Variants in CYLD observed in about 807,000 individuals in gnomAD.
The protein encoded by CYLD is ubiquitin carboxyl-terminal hydrolase CYLD.
A neutral mutation model predicts 104.5 loss-of-function variants in CYLD; 26 were observed. The observed-to-expected ratio is 0.25, with a 90% CI of 0.18 to 0.35. The LOEUF is 0.35. Among genes scored for constraint, CYLD ranks in the 10% least tolerant of loss-of-function variants. The pLI is 1.00. For missense variants in CYLD, 703 were observed against 1,136.1 expected (o/e 0.62, Z 5.48); for synonymous variants, 385 against 399.9 (o/e 0.96, Z 0.45).
At position 50,798,176 on chromosome 16, in the gene CYLD, G is replaced by A. The variant is rs958061165; in HGVS notation, c.*1668G>A. The stretch of plus-strand genomic sequence containing the variant: ...AAATATGTGTTGAATGAAGAAATGG[G>A]TGAATGAGCTTGTCAATGTGATTTT... On this transcript the variant is annotated 3_prime_UTR_variant, in exon 19 of 19. Coordinates refer to ENST00000427738, the MANE Select transcript of CYLD (RefSeq NM_001378743.1). 15 of 231,944 alleles carry A rather than the reference G, an allele frequency of 6.5e-5. No individual in the cohort carries two copies. Among genetic ancestry groups the A allele is most frequent in the African/African-American group, 3.3e-4 (15 of 45,284 alleles). 14.4% of individuals were successfully genotyped at this position (231,944 alleles called of 1,614,324 possible). A position where few individuals can be genotyped will look rare whatever the true frequency, so the allele number is the denominator to read the frequency against.
intron 2 of CYLD, among the ~76,000 whole-genome samples, chr16:50,744,422 G>T (rs1196409717): frequency 6.6e-6 from 1 of 152,150 alleles, no homozygotes; most frequent in African/African-American, 2.4e-5. Context: ...TTGGAAAAAG[G>T]CCCACATGTC....
In CYLD at chr16:50,794,699, C is replaced by A. The variant is rs1971816534; in HGVS notation, c.2686+271C>A. ...GCAGCAGCGTGATCTTGGCTCATTGCAACCTCCACCTCTCAGGTTCAAGCA... is the reference window on the plus strand; with the variant it reads ...GCAGCAGCGTGATCTTGGCTCATTGAAACCTCCACCTCTCAGGTTCAAGCA... On this transcript the variant is annotated intron_variant, in intron 18 of 18. Transcript: ENST00000427738. The surrounding 1 kb of genome is among the most constrained non-coding windows in gnomAD (Gnocchi z 4.1). 4.5e-6 allele frequency: 2 copies of A among 447,680 alleles called. No homozygotes were observed. Among genetic ancestry groups the A allele is most frequent in the Non-Finnish European group, 8.3e-6 (2 of 242,330 alleles). 27.7% of individuals were successfully genotyped at this position (447,680 alleles called of 1,614,324 possible). A position where few individuals can be genotyped will look rare whatever the true frequency, so the allele number is the denominator to read the frequency against.
rs1037542210 is a variant in CYLD at position 50,781,443 on chromosome 16, C to T, written c.1684+32C>T. On this transcript the variant is annotated intron_variant, in intron 10 of 18. Transcript: ENST00000427738. ...GGATGCTTTTTGTTTACTTAACAACCTGGAATGACTCTAATTCTAATCTCA... is the reference window on the plus strand; with the variant it reads ...GGATGCTTTTTGTTTACTTAACAACTTGGAATGACTCTAATTCTAATCTCA... The T allele has an allele frequency of 3.1e-6, 5 of 1,608,896 alleles. No homozygotes were observed. The Admixed American group carries it at 5.0e-5, about 16-fold the overall frequency.
At chr16:50,781,713 G>T (rs548662991) in intron 10 of CYLD, among the ~76,000 whole-genome samples, 39 of 152,094 alleles carry the variant, frequency 2.6e-4, no homozygotes, top group Non-Finnish European at 4.7e-4. Context: ...AAATTGAAAT[G>T]TAACCTTCTT....
chr16:50,799,195 A>T lies in CYLD; in HGVS notation c.*2687A>T. Reference sequence around the variant, plus strand: ...TATCTACAATCAAGATGACAATGTAATTGAATTATCTTATTTATAACACGG... The same window carrying T: ...TATCTACAATCAAGATGACAATGTATTTGAATTATCTTATTTATAACACGG... On this transcript the variant is annotated 3_prime_UTR_variant, in exon 19 of 19. Transcript: ENST00000427738. 2 of 233,404 alleles carry T rather than the reference A, an allele frequency of 8.6e-6. No homozygotes were observed. Among genetic ancestry groups the T allele is most frequent in the Non-Finnish European group, 1.7e-5 (2 of 118,044 alleles). The allele number at this position is 233,404 out of a possible 1,614,324, so 14.5% of individuals were successfully genotyped here.
Position 50,799,677 on chromosome 16 carries a change from C to T in CYLD, c.*3169C>T. On this transcript the variant is annotated 3_prime_UTR_variant, in exon 19 of 19. Transcript: ENST00000427738. ...GAGATAGTATGGAAGATTAAGATTC[C>T]ATTAATCTTATAGAACTGTGTTGTC... The T allele has an allele frequency of 4.3e-6, 1 of 233,240 alleles. No individual in the cohort carries two copies. Among genetic ancestry groups the T allele is most frequent in the East Asian group, 6.0e-5 (1 of 16,626 alleles). The allele number at this position is 233,240 out of a possible 1,614,324, so 14.4% of individuals were successfully genotyped here. A position where few individuals can be genotyped will look rare whatever the true frequency, so the allele number is the denominator to read the frequency against.
chr16:50,779,551 A>T, intron 8 of CYLD, 114 bp from the exon 9 acceptor site: 1 of 934,736 alleles, frequency 1.1e-6, no homozygotes, highest in Non-Finnish European at 1.7e-6. Context: ...GAGTACTATT[A>T]ATAGCAGGGA....
intron 11 of CYLD, 46 bp downstream of exon 11, chr16:50,782,512 A>G: frequency 1.3e-6 from 2 of 1,597,152 alleles, no homozygotes; most frequent in Non-Finnish European, 1.7e-6. Context: ...GCCATGAGGC[A>G]GGGACACATA....
chr16:50,789,219 A>G (rs1328526710), intron 14 of CYLD, among the ~76,000 whole-genome samples: 2 of 152,226 alleles, frequency 1.3e-5, no homozygotes, highest in Non-Finnish European at 2.9e-5. Flanking sequence ...GAATTTCAGT[A>G]TCTTATAAGT....
intron 15 of CYLD, 77 bp downstream of exon 15, chr16:50,791,767 T>C: frequency 6.6e-7 from 1 of 1,515,562 alleles, no homozygotes; most frequent in Non-Finnish European, 9.1e-7. Context: ...TCAGTATCTA[T>C]TGATTTTAAC....
At chr16:50,791,819 A>G (rs1005981090) in intron 15 of CYLD, 129 bp downstream of exon 15, 2 of 1,059,082 alleles carry the variant, frequency 1.9e-6, no homozygotes, top group African/African-American at 3.2e-5. Flanking sequence ...AAGAAACACA[A>G]ATTTTAAAAA....
At chr16:50,755,161 ACG>A (rs1967040947) in intron 5 of CYLD, among the ~76,000 whole-genome samples, 1 of 140,806 alleles carries the variant, frequency 7.1e-6, no homozygotes. Context: ...GTATATACAC[ACG>A]TGTACATATG....
intron 14 of CYLD, among the ~76,000 whole-genome samples, chr16:50,788,165 G>GA: frequency 6.6e-6 from 1 of 152,064 alleles, no homozygotes; most frequent in South Asian, 2.1e-4. Context: ...AACCTTTTAA[G>GA]AAAAAATATC....
rs1971724097 is a variant in CYLD, at chr16:50,794,079, C to T, written c.2470-133C>T. On this transcript the variant is annotated intron_variant, in intron 17 of 18. Coordinates refer to ENST00000427738, the MANE Select transcript of CYLD (RefSeq NM_001378743.1). This position sits in a 1 kb window ranked among gnomAD's most constrained non-coding sequence, Gnocchi z 4.1. ...AGTAGCTGGGACTGCAGGCGCCTGC[C>T]ACCACGCCCAGCTAATTTTTGTATT... is the stretch of plus-strand genomic sequence containing the variant. 3.8e-6 allele frequency: 3 copies of T among 792,980 alleles called. No individual in the cohort carries two copies. The highest frequency in any genetic ancestry group is 4.1e-5 in the Admixed American group (2 of 49,370). 49.1% of individuals were successfully genotyped at this position (792,980 alleles called of 1,614,324 possible). A position where few individuals can be genotyped will look rare whatever the true frequency, so the allele number is the denominator to read the frequency against.
intron 13 of CYLD, chr16:50,787,241 C>T (rs1271858226): frequency 5.2e-6 from 2 of 384,300 alleles, no homozygotes; most frequent in Non-Finnish European, 9.7e-6. Flanking sequence ...TTGTTTCTCT[C>T]TTGTGGTGCA....
intron 3 of CYLD, 92 bp from the exon 4 acceptor site, chr16:50,751,512 A>G (rs1966615023): frequency 7.6e-6 from 8 of 1,054,466 alleles, no homozygotes; most frequent in Non-Finnish European, 1.1e-5. Flanking sequence ...GAAATTTTCC[A>G]GAGTGATTTT....
intron 5 of CYLD, among the ~76,000 whole-genome samples, chr16:50,764,688 G>A (rs1198746239): frequency 6.6e-6 from 1 of 152,122 alleles, no homozygotes; most frequent in East Asian, 1.9e-4. Flanking sequence ...TAAGCCCGTA[G>A]TTCTCAGCCT....
At chr16:50,775,322 G>C in intron 6 of CYLD, 148 bp downstream of exon 6, 1 of 536,066 alleles carries the variant, frequency 1.9e-6, no homozygotes, top group South Asian at 3.3e-5. Context: ...GTCTAGAGTG[G>C]TCTTTGTATT....
In CYLD at chr16:50,801,646, A is replaced by C. The variant is rs1972469403; in HGVS notation, c.*5138A>C. On this transcript the variant is annotated 3_prime_UTR_variant, in exon 19 of 19. Coordinates refer to ENST00000427738, the MANE Select transcript of CYLD (RefSeq NM_001378743.1). ...ACTCACATCCCATCTGAAACTTCCC[A>C]GGGGAGTTGGGATTCTTAGTAGATT... 4.3e-6 allele frequency: 1 copy of C among 233,398 alleles called. No homozygotes were observed. The highest frequency in any genetic ancestry group is 8.5e-6 in the Non-Finnish European group (1 of 117,886). 14.5% of individuals were successfully genotyped at this position (233,398 alleles called of 1,614,324 possible).
Sources: allele counts gnomAD v4.1 joint callset (sites outside exome capture counted in the v4.1 genomes callset), GRCh38; gene constraint gnomAD v4.1.1; non-coding constraint Gnocchi (gnomAD v3.1); transcripts MANE v1.5; gene names NCBI Gene and HGNC (gene_info 2026-07-23, HGNC 2026-07-21).